The following STT3B variants were observed in gnomAD, a reference collection of about 807,000 sequenced individuals.
The protein encoded by STT3B is STT3 oligosaccharyltransferase complex catalytic subunit B.
Under a neutral mutation model 96.8 loss-of-function variants are expected in STT3B, and 29 were observed. The ratio of observed to expected loss-of-function variants is 0.30; its 90% confidence interval spans 0.22 to 0.41. The LOEUF is 0.41. Ranked by LOEUF, STT3B falls within the 10% of genes least tolerant of loss-of-function variation. STT3B has a pLI of 1.00. For synonymous variants in STT3B, 367 were observed against 360.0 expected (o/e 1.02, Z -0.22); for missense variants, 640 against 1,022.3 (o/e 0.63, Z 5.10).
chr3:31,629,252 T>C (rs369786592), intron 13 of STT3B, 46 bp from the exon 14 acceptor site: 193 of 1,034,946 alleles, frequency 1.9e-4, no homozygotes, highest in Non-Finnish European at 2.5e-4. Context: ...TAGCTTTGAA[T>C]ATGTTAACTT....
intron 3 of STT3B, among the ~76,000 whole-genome samples, chr3:31,591,402 A>G (rs2125458697): frequency 6.6e-6 from 1 of 152,204 alleles, no homozygotes; most frequent in East Asian, 1.9e-4. Context: ...CAGACTGACC[A>G]TCTCTGCCTT....
Position 31,533,258 on chromosome 3 carries a change from C to A in STT3B, c.260C>A (p.Ser87Ter). The A allele has an allele frequency of 6.6e-7, 1 of 1,519,974 alleles. No homozygotes were observed. The highest frequency in any genetic ancestry group is 2.8e-5 in the East Asian group (1 of 35,276). The allele number at this position is 1,519,974 out of a possible 1,614,324, so 94.2% of individuals were successfully genotyped here. A position where few individuals can be genotyped will look rare whatever the true frequency, so the allele number is the denominator to read the frequency against. The stretch of plus-strand genomic sequence containing the variant: ...CTGGCCTGGCTTGCCGGCTTCAGCT[C>A]GCGCCTCTTCGCCGTCATCCGCTTC... ...LFLAWLAGFS[S>*]RLFAVIRFES... Residue 87 changes from serine to a stop codon, truncating the protein, a stop_gained, in exon 1 of 16, where the codon TCG becomes TAG. Transcript: ENST00000295770. LOFTEE classifies it high-confidence loss of function.
At chr3:31,614,016 A>C (rs1213540682) in intron 5 of STT3B, among the ~76,000 whole-genome samples, 2 of 151,894 alleles carry the variant, frequency 1.3e-5, no homozygotes, top group Non-Finnish European at 2.9e-5. Flanking sequence ...TATCATATAG[A>C]TTGTGAGGCA....
chr3:31,633,949 A>T (rs966321331), intron 15 of STT3B, among the ~76,000 whole-genome samples: 3 of 152,172 alleles, frequency 2.0e-5, no homozygotes, highest in African/African-American at 7.2e-5. Flanking sequence ...CAGCTATCTT[A>T]TATCATTGAA....
At chr3:31,588,246 A>G (rs1486645968) in intron 3 of STT3B, among the ~76,000 whole-genome samples, 2 of 152,076 alleles carry the variant, frequency 1.3e-5, no homozygotes, top group East Asian at 3.8e-4. Flanking sequence ...CACTGGCCGC[A>G]TGTATATGGA....
chr3:31,572,238 A>G (rs995966717), intron 1 of STT3B, among the ~76,000 whole-genome samples: 2 of 146,692 alleles, frequency 1.4e-5, no homozygotes, highest in African/African-American at 5.0e-5. Flanking sequence ...ATGATGAGGA[A>G]TGCAAGCAGT....
chr3:31,612,238 G>A (rs974959633), intron 5 of STT3B, among the ~76,000 whole-genome samples: 2 of 152,260 alleles, frequency 1.3e-5, no homozygotes, highest in Non-Finnish European at 2.9e-5. Context: ...GTGTCTATCC[G>A]TGCACTGAAG....
At chr3:31,553,005 G>T (rs1021118365) in intron 1 of STT3B, among the ~76,000 whole-genome samples, 1 of 151,528 alleles carries the variant, frequency 6.6e-6, no homozygotes, top group African/African-American at 2.4e-5. Flanking sequence ...GGGAGGCTGA[G>T]GCAGGAGAAT....
At chr3:31,576,364 T>C in intron 1 of STT3B, 32 bp from the exon 2 acceptor site, 1 of 1,343,960 alleles carries the variant, frequency 7.4e-7, no homozygotes, top group Non-Finnish European at 1.0e-6. Flanking sequence ...TTAAGCAGTT[T>C]TATAACATTT....
At chr3:31,599,064 C>T (rs560925950) in intron 4 of STT3B, among the ~76,000 whole-genome samples, 34 of 152,300 alleles carry the variant, frequency 2.2e-4, no homozygotes, top group Middle Eastern at 3.4e-3. Context: ...CTGCCTCGGC[C>T]TCCCAAAGTG....
intron 1 of STT3B, among the ~76,000 whole-genome samples, chr3:31,544,690 G>A (rs962665833): frequency 3.9e-5 from 6 of 152,220 alleles, no homozygotes; most frequent in Non-Finnish European, 8.8e-5. Context: ...TGCACGGGGC[G>A]CGGTGGCTTA....
intron 3 of STT3B, among the ~76,000 whole-genome samples, chr3:31,591,431 A>G (rs1698660482): frequency 6.6e-6 from 1 of 152,036 alleles, no homozygotes; most frequent in African/African-American, 2.4e-5. Flanking sequence ...AGTTTTAAGT[A>G]TTGTTTGATT....
chr3:31,552,714 A>G (rs1048501376), intron 1 of STT3B, among the ~76,000 whole-genome samples: 1 of 152,218 alleles, frequency 6.6e-6, no homozygotes, highest in African/African-American at 2.4e-5. Flanking sequence ...TGTAGAAGCC[A>G]TCCACGAGTC....
chr3:31,581,480 A>T (rs1056073974), intron 3 of STT3B, among the ~76,000 whole-genome samples: 4 of 152,210 alleles, frequency 2.6e-5, no homozygotes, highest in Admixed American at 1.3e-4. Flanking sequence ...AAAGAAAAAA[A>T]TCACCCACAG....
At chr3:31,566,309 C>T (rs1698004609) in intron 1 of STT3B, among the ~76,000 whole-genome samples, 1 of 152,184 alleles carries the variant, frequency 6.6e-6, no homozygotes, top group African/African-American at 2.4e-5. Context: ...GTCAAAGCTA[C>T]CTTGATCAAA....
At chr3:31,533,374 G>C in intron 1 of STT3B, 62 bp downstream of exon 1, 1 of 1,383,288 alleles carries the variant, frequency 7.2e-7, no homozygotes. Context: ...CCGCTCCTCC[G>C]CCCGCCGCAG....
chr3:31,554,336 C>T (rs1447900663), intron 1 of STT3B, among the ~76,000 whole-genome samples: 1 of 152,138 alleles, frequency 6.6e-6, no homozygotes, highest in East Asian at 1.9e-4. Flanking sequence ...TGATCAAAAG[C>T]CCTTAAACAC....
In STT3B at chr3:31,625,984, G is replaced by T. The variant is rs368392285; in HGVS notation, c.1930G>T (p.Ala644Ser). 46 of 1,610,476 alleles carry T rather than the reference G, an allele frequency of 2.9e-5. No individual in the cohort carries two copies. The African/African-American group carries it at 3.9e-4, about 14-fold the overall frequency. The change falls in exon 13 of 16, where the codon GCA (alanine) becomes TCA (serine). Residue 644 changes from alanine to serine, a missense_variant. Physicochemically the swap from Ala to Ser is moderately conservative, Grantham distance 99. Transcript: ENST00000295770. ...AAAAGCTATGTCTTCTAATGAAACA[G>T]CAGCCTATAAAATCATGAGGACTCT... is the stretch of plus-strand genomic sequence containing the variant. ...VGKAMSSNETAAYKIMRTLDV... is the reference protein window; with the variant it reads ...VGKAMSSNETSAYKIMRTLDV...
chr3:31,536,221 C>CGGAA (rs1472540085), intron 1 of STT3B, among the ~76,000 whole-genome samples: 1 of 152,072 alleles, frequency 6.6e-6, no homozygotes, highest in Non-Finnish European at 1.5e-5. Flanking sequence ...TAAAGCTTTT[C>CGGAA]GGGGCTTTTA....
Sources: allele counts gnomAD v4.1 joint callset (sites outside exome capture counted in the v4.1 genomes callset), GRCh38; gene constraint gnomAD v4.1.1; transcripts MANE v1.5; gene names NCBI Gene and HGNC (gene_info 2026-07-23, HGNC 2026-07-21).